Variants in THSD4 observed in about 807,000 individuals in gnomAD.
The protein encoded by THSD4 is thrombospondin type-1 domain-containing protein 4.
In THSD4, 69 loss-of-function variants were observed where a neutral mutation model predicts 119.0. The observed-to-expected ratio is 0.58, with a 90% CI of 0.48 to 0.71. THSD4 has a LOEUF of 0.71. Among genes scored for constraint, THSD4 ranks in the 30% least tolerant of loss-of-function variants. The probability of loss-of-function intolerance (pLI) is 0.00; values close to 1 mark genes in which losing one functional copy is unlikely to be tolerated. For missense variants in THSD4, 1,393 were observed against 1,391.1 expected (o/e 1.00, Z -0.02); for synonymous variants, 524 against 540.4 (o/e 0.97, Z 0.42).
intron 6 of THSD4, among the ~76,000 whole-genome samples, chr15:71,267,866 G>A (rs990385840): frequency 2.6e-5 from 4 of 152,068 alleles, no homozygotes; most frequent in African/African-American, 7.2e-5. Context: ...GCAAAGAAGG[G>A]CATTACATAA....
chr15:71,470,748 G>A (rs2047566311), intron 7 of THSD4, among the ~76,000 whole-genome samples: 1 of 151,690 alleles, frequency 6.6e-6, no homozygotes, highest in South Asian at 2.1e-4. Flanking sequence ...CCATTCTCCT[G>A]CCTCAGCCTC....
At chr15:71,262,098 T>C (rs1434690850) in intron 6 of THSD4, among the ~76,000 whole-genome samples, 1 of 152,178 alleles carries the variant, frequency 6.6e-6, no homozygotes, top group African/African-American at 2.4e-5. Context: ...CACATGTGCC[T>C]ACTTAGGGAA....
At chr15:71,232,717 A>G (rs1175324942) in intron 4 of THSD4, among the ~76,000 whole-genome samples, 1 of 152,214 alleles carries the variant, frequency 6.6e-6, no homozygotes, top group African/African-American at 2.4e-5. Context: ...GAATCTGGGA[A>G]GATAGACTGA....
chr15:71,159,430 A>G lies in THSD4; in HGVS notation c.99+4498A>G, dbSNP rs575410842. Among the ~76,000 whole-genome samples, 41 of 152,218 alleles carry G rather than the reference A, an allele frequency of 2.7e-4. No individual in the cohort carries two copies. The East Asian group carries it at 7.3e-3, about 27-fold the overall frequency. On this transcript the variant is annotated intron_variant, in intron 3 of 17. Coordinates refer to ENST00000261862, the MANE Select transcript of THSD4 (RefSeq NM_024817.3). ...TTGTATGGCCATTTTAACAACATTA[A>G]TTCCTCCAATCTATGAACATGGGTT...
chr15:71,536,576 A>C (rs919090273), intron 7 of THSD4, among the ~76,000 whole-genome samples: 4 of 152,176 alleles, frequency 2.6e-5, no homozygotes, highest in Non-Finnish European at 5.9e-5. Flanking sequence ...ACCATGATCT[A>C]TGATTTATTT....
At chr15:71,277,145 A>C (rs2044602127) in intron 6 of THSD4, among the ~76,000 whole-genome samples, 1 of 44,236 alleles carries the variant, frequency 2.3e-5, no homozygotes, top group Non-Finnish European at 4.0e-5. Flanking sequence ...TTTTTTTTGA[A>C]ACGGAGTTTC....
In THSD4 at chr15:71,298,864, C is replaced by T. The variant is rs183412498; in HGVS notation, c.1015+42149C>T. On this transcript the variant is annotated intron_variant, in intron 6 of 17. Coordinates refer to ENST00000261862, the MANE Select transcript of THSD4 (RefSeq NM_024817.3). ...CTGAGCTTGGGCAATCCACCGGCCT[C>T]GGCCTCCCAAAGTGCCAGGATTACA... 1.2e-4 allele frequency among the ~76,000 whole-genome samples: 19 copies of T among 152,332 alleles called. No homozygotes were observed. In the East Asian group the frequency reaches 3.3e-3, roughly 26 times the overall value.
At chr15:71,648,109 G>A (rs942003947) in intron 7 of THSD4, among the ~76,000 whole-genome samples, 3 of 152,268 alleles carry the variant, frequency 2.0e-5, no homozygotes, top group South Asian at 2.1e-4. Flanking sequence ...TTTCAAACCC[G>A]CCACCATCAC....
chr15:71,701,467 A>T (rs1169815999), intron 8 of THSD4, among the ~76,000 whole-genome samples: 2 of 152,236 alleles, frequency 1.3e-5, no homozygotes, highest in African/African-American at 4.8e-5. Flanking sequence ...ATAGTCATTA[A>T]GAGCACAAAG....
intron 7 of THSD4, among the ~76,000 whole-genome samples, chr15:71,651,109 C>T (rs1355423044): frequency 6.6e-6 from 1 of 152,156 alleles, no homozygotes; most frequent in Non-Finnish European, 1.5e-5. Context: ...CCATCAAAGG[C>T]CTGCCCCCCA....
At chr15:71,251,973 C>T (rs140928679) in intron 5 of THSD4, among the ~76,000 whole-genome samples, 1 of 152,176 alleles carries the variant, frequency 6.6e-6, no homozygotes, top group Non-Finnish European at 1.5e-5. Flanking sequence ...GTCTTTATTT[C>T]TCTTCCATTA....
At chr15:71,341,346 G>A (rs2140389529) in intron 6 of THSD4, 2 of 1,608,904 alleles carry the variant, frequency 1.2e-6, no homozygotes, top group East Asian at 2.2e-5. Context: ...TGCATCTTAG[G>A]TGCTTTGTTC....
intron 6 of THSD4, among the ~76,000 whole-genome samples, chr15:71,406,897 T>A (rs1288423838): frequency 1.3e-5 from 2 of 152,138 alleles, no homozygotes; most frequent in African/African-American, 4.8e-5. Context: ...TTGGCCAGGC[T>A]GGTCTCGAAC....
chr15:71,491,363 G>A (rs993752408), intron 7 of THSD4, among the ~76,000 whole-genome samples: 1 of 152,202 alleles, frequency 6.6e-6, no homozygotes, highest in Admixed American at 6.5e-5. Context: ...TATTTGAGAG[G>A]TGGTACCTCT....
intron 7 of THSD4, among the ~76,000 whole-genome samples, chr15:71,649,568 A>G (rs1306155088): frequency 2.0e-5 from 3 of 152,170 alleles, no homozygotes; most frequent in Non-Finnish European, 4.4e-5. Flanking sequence ...TGAGCCGTGC[A>G]CCAGCCTGAT....
At chr15:71,474,406 A>G (rs1020714240) in intron 7 of THSD4, among the ~76,000 whole-genome samples, 2 of 152,072 alleles carry the variant, frequency 1.3e-5, no homozygotes, top group African/African-American at 4.8e-5. Context: ...TTTTTTTAGT[A>G]GAGGCGGAGT....
chr15:71,257,088 G>T (rs577872406), intron 6 of THSD4, among the ~76,000 whole-genome samples: 2 of 152,260 alleles, frequency 1.3e-5, no homozygotes, highest in South Asian at 4.1e-4. Flanking sequence ...GCTACAAGGG[G>T]TAGTATGGGA....
chr15:71,643,215 C>T (rs570630034), intron 7 of THSD4, among the ~76,000 whole-genome samples: 28 of 152,178 alleles, frequency 1.8e-4, no homozygotes, highest in African/African-American at 6.5e-4. Flanking sequence ...TGAAAATGAT[C>T]TTGTTTCCAA....
At chr15:71,657,002 C>A (rs1392263580) in intron 7 of THSD4, among the ~76,000 whole-genome samples, 1 of 152,144 alleles carries the variant, frequency 6.6e-6, no homozygotes, top group Non-Finnish European at 1.5e-5. Context: ...ATCCCCAGTC[C>A]CCTCATTCAG....
Sources: gnomAD v4.1 joint callset for allele counts (sites outside exome capture counted in the v4.1 genomes callset) on GRCh38, gnomAD v4.1.1 for gene constraint, MANE v1.5 for transcripts, NCBI Gene and HGNC (gene_info 2026-07-23, HGNC 2026-07-21) for gene names.